Variants in DYM observed in about 807,000 individuals in gnomAD.
DYM encodes dyggve-Melchior-Clausen syndrome protein.
In DYM, 78 loss-of-function variants were observed where a neutral mutation model predicts 93.1. That is an observed-to-expected ratio of 0.84 (90% CI 0.70 to 1.01). The LOEUF (loss-of-function observed/expected upper bound fraction) is 1.01. Ranked by LOEUF, DYM falls within the 50% of genes least tolerant of loss-of-function variation. The pLI is 0.00. For synonymous variants in DYM, 321 were observed against 319.7 expected, an observed-to-expected ratio of 1.00 and a Z score of -0.04; for missense variants, 789 against 845.0, an observed-to-expected ratio of 0.93 and a Z score of 0.82.
intron 15 of DYM, among the ~76,000 whole-genome samples, chr18:49,132,331 T>G (rs118033114): frequency 0.025 from 3,878 of 152,170 alleles, 60 homozygotes; most frequent in South Asian, 0.067. Context: ...TTGAACTTTT[T>G]CATAATAAAA....
In DYM at chr18:49,415,215, G is replaced by A. The variant is rs111317229; in HGVS notation, c.140+15040C>T. On this transcript the variant is annotated intron_variant, in intron 2 of 17. Coordinates refer to ENST00000675505, the MANE Select transcript of DYM (RefSeq NM_001353214.3). ...CACACCTGTAGTCCCAGCTACTCAG[G>A]AGCCTGAGGCAGAAGAATTGCTTGA... is the stretch of plus-strand genomic sequence containing the variant. 7.8e-3 allele frequency among the ~76,000 whole-genome samples: 1,176 copies of A among 150,154 alleles called. 34 individuals are homozygous for A. The highest frequency in any genetic ancestry group is 0.076 in the South Asian group (365 of 4,796).
chr18:49,097,572 A>C, intron 16 of DYM, 57 bp from the exon 17 acceptor site: 1 of 1,440,606 alleles, frequency 6.9e-7, no homozygotes, highest in Non-Finnish European at 9.7e-7. Flanking sequence ...TATTTTTAGT[A>C]GCCGCCTTTC....
At chr18:49,358,546 C>T in intron 6 of DYM, among the ~76,000 whole-genome samples, 1 of 152,110 alleles carries the variant, frequency 6.6e-6, no homozygotes, top group East Asian at 1.9e-4. Context: ...TCAATCTATA[C>T]CTTACGAAAA....
chr18:49,330,323 T>C (rs1258859794), intron 8 of DYM, among the ~76,000 whole-genome samples: 1 of 152,138 alleles, frequency 6.6e-6, no homozygotes. Context: ...TAGAAAATTA[T>C]GTAGTAATAA....
rs2092730602 is a variant in DYM, at chr18:49,210,540, G to A, written c.1461-825C>T. On this transcript the variant is annotated intron_variant, in intron 13 of 17. Coordinates refer to ENST00000675505, the MANE Select transcript of DYM (RefSeq NM_001353214.3). ...GCAAAAAGATTAGGGGTTGCCAGGA[G>A]TTAGAGGGGAGAGAGGGATGAATAT... 2.0e-5 allele frequency among the ~76,000 whole-genome samples: 3 copies of A among 152,318 alleles called. No individual in the cohort carries two copies. The Middle Eastern group carries it at 0.01, about 518-fold the overall frequency.
Position 49,257,107 on chromosome 18 carries a change from G to A in DYM, c.1366-3C>T, listed in dbSNP as rs748430332. 3.7e-6 allele frequency: 6 copies of A among 1,611,414 alleles called. No individual in the cohort carries two copies. The highest frequency in any genetic ancestry group is 1.3e-5 in the African/African-American group (1 of 74,990). On this transcript the variant is annotated splice_polypyrimidine_tract_variant and splice_region_variant and intron_variant, in intron 12 of 17. Coordinates refer to ENST00000675505, the MANE Select transcript of DYM (RefSeq NM_001353214.3). ...CAATTTGTGTGAAGGTACTTGTCCT[G>A]TGAGGAAACAGCGGGTGTAAAACAT...
chr18:49,453,446 T>C (rs904534911), intron 1 of DYM, among the ~76,000 whole-genome samples: 10 of 152,154 alleles, frequency 6.6e-5, no homozygotes, highest in African/African-American at 1.2e-4. Context: ...TAACACTCAC[T>C]GCGAAGGTCT....
Position 49,312,693 on chromosome 18 carries a change from G to T in DYM, c.763+19171C>A, listed in dbSNP as rs575563765. 3.3e-5 allele frequency among the ~76,000 whole-genome samples: 5 copies of T among 152,242 alleles called. No individual in the cohort carries two copies. The East Asian group carries it at 7.7e-4, about 24-fold the overall frequency. On this transcript the variant is annotated intron_variant, in intron 8 of 17. Coordinates refer to ENST00000675505, the MANE Select transcript of DYM (RefSeq NM_001353214.3). ...GAGAACTTGGGAACCGCTGAACATG[G>T]GTACAAGCTATAACACAGGTGACCG...
intron 13 of DYM, among the ~76,000 whole-genome samples, chr18:49,241,562 T>C (rs185997576): frequency 2.0e-5 from 3 of 152,340 alleles, no homozygotes; most frequent in Admixed American, 1.3e-4. Context: ...CTAATTTCCA[T>C]GTTTTGGAAG....
At chr18:49,336,299 A>G (rs535233634) in intron 6 of DYM, among the ~76,000 whole-genome samples, 1 of 152,232 alleles carries the variant, frequency 6.6e-6, no homozygotes. Flanking sequence ...AAGAATACGT[A>G]TTTAGAAAAA....
rs568026567 is a variant in DYM at position 49,424,883 on chromosome 18, G to A, written c.140+5372C>T. 3.1e-4 allele frequency among the ~76,000 whole-genome samples: 47 copies of A among 152,208 alleles called. No homozygotes were observed. The East Asian group carries it at 7.3e-3, about 24-fold the overall frequency. On this transcript the variant is annotated intron_variant, in intron 2 of 17. Transcript: ENST00000675505. ...GGAGAATTACAAACCACTGCTCAAC[G>A]AAATAAAAGAGGACACAAACAAATG...
chr18:49,180,342 ATTAG>A (rs889227550), intron 14 of DYM, among the ~76,000 whole-genome samples: 1 of 152,102 alleles, frequency 6.6e-6, no homozygotes, highest in African/African-American at 2.4e-5. Context: ...TCTGGTAGTG[ATTAG>A]TTGTTATTTT....
At position 49,044,029 on chromosome 18, in the gene DYM, G is replaced by C. The variant is rs1225332503; in HGVS notation, c.*26C>G. The C allele has an allele frequency of 5.6e-6, 9 of 1,612,116 alleles. No homozygotes were observed. In the African/African-American group the frequency reaches 9.4e-5, roughly 17 times the overall value. On this transcript the variant is annotated 3_prime_UTR_variant, in exon 18 of 18. Coordinates refer to ENST00000675505, the MANE Select transcript of DYM (RefSeq NM_001353214.3). The stretch of plus-strand genomic sequence containing the variant: ...ACTTGAAGGGCTGCTTGGCTGGAGG[G>C]GTCCGGGTGGGAGAGCATCCTGCCC...
In DYM at chr18:49,282,168, A is replaced by G. The variant is rs2095000812; in HGVS notation, c.954T>C (p.Ser318=). 6.2e-7 allele frequency: 1 copy of G among 1,613,674 alleles called. No homozygotes were observed. The highest frequency in any genetic ancestry group is 1.1e-5 in the South Asian group (1 of 91,080). Residue 318 remains serine, a synonymous_variant, in exon 10 of 18, where the codon AGT becomes AGC. Coordinates refer to ENST00000675505, the MANE Select transcript of DYM (RefSeq NM_001353214.3). ...IMSFKNTQDS[S]PFPSSIPHAF... ...CATGTGGAATTGATGAGGGGAAAGG[A>G]CTGCTATCTGGAATACAGAAAACAG...
At chr18:49,343,164 G>A (rs983820285) in intron 6 of DYM, among the ~76,000 whole-genome samples, 7 of 152,074 alleles carry the variant, frequency 4.6e-5, no homozygotes, top group African/African-American at 1.7e-4. Context: ...TTCAGACAAG[G>A]ATAATCACCA....
chr18:49,120,611 T>C (rs1437406057), intron 15 of DYM, among the ~76,000 whole-genome samples: 4 of 152,198 alleles, frequency 2.6e-5, no homozygotes, highest in African/African-American at 7.2e-5. Flanking sequence ...GTATGTACTT[T>C]CAATCTGCGT....
At chr18:49,318,891 T>G (rs1027145041) in intron 8 of DYM, among the ~76,000 whole-genome samples, 3 of 138,296 alleles carry the variant, frequency 2.2e-5, no homozygotes, top group Non-Finnish European at 4.6e-5. Context: ...ACCTCCGCCC[T>G]CTGAGTTCAA....
In DYM at chr18:49,288,315, A is replaced by G. The variant is rs2059796959; in HGVS notation, c.764-1699T>C. Among the ~76,000 whole-genome samples the G allele has an allele frequency of 1.3e-5, 2 of 152,232 alleles. 1 individual carries two copies. The highest frequency in any genetic ancestry group is 4.1e-4 in the South Asian group (2 of 4,838). ...CATACAATCAATAAATAATTAGAAA[A>G]TATATTTAATTCCAATCAAAATAGC... is the stretch of plus-strand genomic sequence containing the variant. On this transcript the variant is annotated intron_variant, in intron 8 of 17. Coordinates refer to ENST00000675505, the MANE Select transcript of DYM (RefSeq NM_001353214.3).
rs541975219 is a variant in DYM at position 49,402,527 on chromosome 18, T to C, written c.141-10882A>G. On this transcript the variant is annotated intron_variant, in intron 2 of 17. Transcript: ENST00000675505. ...CAATCCCTATATAATTAACCACTGCTGCCAAGTGTCTGGCTAGCAGATTTT... is the reference window on the plus strand; with the variant it reads ...CAATCCCTATATAATTAACCACTGCCGCCAAGTGTCTGGCTAGCAGATTTT... Among the ~76,000 whole-genome samples, 13 of 152,322 alleles carry C rather than the reference T, an allele frequency of 8.5e-5. No homozygotes were observed. The South Asian group carries it at 2.7e-3, about 32-fold the overall frequency.
Sources: allele counts gnomAD v4.1 joint callset (sites outside exome capture counted in the v4.1 genomes callset), GRCh38; gene constraint gnomAD v4.1.1; transcripts MANE v1.5; gene names NCBI Gene and HGNC (gene_info 2026-07-23, HGNC 2026-07-21).